Variants in PTGER4 observed in about 807,000 individuals in gnomAD.
PTGER4 encodes the protein prostaglandin E receptor 4.
A neutral mutation model predicts 33.2 loss-of-function variants in PTGER4; 11 were observed. The observed-to-expected ratio is 0.33, with a 90% confidence interval of 0.21 to 0.55. The LOEUF (loss-of-function observed/expected upper bound fraction) is 0.55, where lower values mean the gene tolerates loss of function less well. Ranked by LOEUF, PTGER4 falls within the 20% of genes least tolerant of loss-of-function variation. The pLI, the probability that PTGER4 is intolerant of heterozygous loss-of-function variation, is 0.92. For synonymous variants in PTGER4, 275 were observed against 281.5 expected (o/e 0.98, Z 0.23); for missense variants, 481 against 650.2 (o/e 0.74, Z 2.83).
At position 40,691,820 on chromosome 5, in the gene PTGER4, G is replaced by C. The variant is rs1741480802; in HGVS notation, c.909G>C (p.Glu303Asp). 6.2e-7 allele frequency: 1 copy of C among 1,614,058 alleles called. No individual in the cohort carries two copies. Among genetic ancestry groups the C allele is most frequent in the Admixed American group, 1.7e-5 (1 of 60,014 alleles). The change falls in exon 3 of 3, where the codon GAG (glutamate) becomes GAC (aspartate). Residue 303 changes from glutamate to aspartate, a missense_variant. By Grantham distance (45) the Glu-to-Asp change is conservative. Around this residue, in one of 7 missense-constraint regions of PTGER4, gnomAD observed 174 missense variants for 210.5 expected, o/e 0.83. Transcript: ENST00000302472. This position sits in a 1 kb window ranked among gnomAD's most constrained non-coding sequence, Gnocchi z 4.2. ...ACCAGTTATATCAGCCAAGTTTGGAGCGAGAAGTCAGTAAAAATCCAGATT... is the reference window on the plus strand; with the variant it reads ...ACCAGTTATATCAGCCAAGTTTGGACCGAGAAGTCAGTAAAAATCCAGATT... ...FVNQLYQPSLEREVSKNPDLQ... is the reference protein window; with the variant it reads ...FVNQLYQPSLDREVSKNPDLQ...
At chr5:40,739,253 T>C in the PTGER4 span, among the ~76,000 whole-genome samples, 1 of 152,366 alleles carries the variant, frequency 6.6e-6, no homozygotes, top group East Asian at 1.9e-4. Context: ...CATTTCCACA[T>C]AAACTTTAGA....
chr5:40,699,304 T>G, the PTGER4 span, among the ~76,000 whole-genome samples: 1 of 152,082 alleles, frequency 6.6e-6, no homozygotes, highest in African/African-American at 2.4e-5. Context: ...AACCACACTA[T>G]CAAATGTGAT....
the PTGER4 span, among the ~76,000 whole-genome samples, chr5:40,741,620 G>T: frequency 1.1e-3 from 165 of 152,208 alleles, 1 homozygote; most frequent in East Asian, 0.026. Context: ...ATCTCCTCAC[G>T]CAGCAAGACC....
At chr5:40,685,214 A>C (rs576185970) in intron 2 of PTGER4, among the ~76,000 whole-genome samples, 11 of 152,314 alleles carry the variant, frequency 7.2e-5, no homozygotes, top group African/African-American at 2.6e-4. Context: ...AATTTGATTA[A>C]TCTTCTGCCT....
chr5:40,710,178 C>G, the PTGER4 span, among the ~76,000 whole-genome samples: 2 of 152,162 alleles, frequency 1.3e-5, no homozygotes, highest in African/African-American at 4.8e-5. Flanking sequence ...ATCTACTTAT[C>G]TGACAAAGGG....
the PTGER4 span, among the ~76,000 whole-genome samples, chr5:40,731,234 A>T: frequency 0.024 from 3,714 of 152,264 alleles, 53 homozygotes; most frequent in East Asian, 0.064. Context: ...CCAGCATTAG[A>T]AGGAAAAGGT....
chr5:40,704,469 T>G, the PTGER4 span, among the ~76,000 whole-genome samples: 3 of 152,126 alleles, frequency 2.0e-5, no homozygotes, highest in Non-Finnish European at 4.4e-5. Flanking sequence ...AACATAGTAT[T>G]GGAAGTCCAG....
At chr5:40,705,528 G>C in the PTGER4 span, among the ~76,000 whole-genome samples, 3 of 152,076 alleles carry the variant, frequency 2.0e-5, no homozygotes, top group African/African-American at 7.2e-5. Context: ...TACCAACAGA[G>C]TAAATAGACA....
chr5:40,705,472 A>T, the PTGER4 span, among the ~76,000 whole-genome samples: 1 of 152,220 alleles, frequency 6.6e-6, no homozygotes, highest in East Asian at 1.9e-4. Context: ...AAAATTGACA[A>T]ATGGGATCTA....
chr5:40,693,370 A>C lies in PTGER4; in HGVS notation c.*992A>C. ...TTTCTCTGAAAGTGTGTGTAGTTTT[A>C]CTTTCCTAAGGAATTACCAAGAATA... On this transcript the variant is annotated 3_prime_UTR_variant, in exon 3 of 3. Coordinates refer to ENST00000302472, the MANE Select transcript of PTGER4 (RefSeq NM_000958.3). 1.0e-6 allele frequency: 1 copy of C among 984,220 alleles called. No homozygotes were observed. The highest frequency in any genetic ancestry group is 1.2e-6 in the Non-Finnish European group (1 of 828,460). 61.0% of individuals were successfully genotyped at this position (984,220 alleles called of 1,614,324 possible).
the PTGER4 span, among the ~76,000 whole-genome samples, chr5:40,710,237 A>G: frequency 2.6e-5 from 4 of 152,176 alleles, no homozygotes; most frequent in African/African-American, 7.2e-5. Flanking sequence ...CAAGAAAAAA[A>G]CAAACAACCC....
chr5:40,682,739 TC>T (rs1741230853), intron 2 of PTGER4, among the ~76,000 whole-genome samples: 1 of 152,214 alleles, frequency 6.6e-6, no homozygotes, highest in Admixed American at 6.5e-5. Flanking sequence ...CTTTGTTTCT[TC>T]AAGCCAAAGC....
At chr5:40,689,661 T>C (rs1371104048) in intron 2 of PTGER4, among the ~76,000 whole-genome samples, 2 of 152,318 alleles carry the variant, frequency 1.3e-5, no homozygotes, top group East Asian at 1.9e-4. Context: ...TCATACACCA[T>C]GAGTCATTCA....
At chr5:40,733,360 T>A in the PTGER4 span, among the ~76,000 whole-genome samples, 17 of 152,124 alleles carry the variant, frequency 1.1e-4, no homozygotes, top group Admixed American at 9.2e-4. Flanking sequence ...CTATCACAAC[T>A]ATTCAACTCT....
chr5:40,691,095 A>G lies in PTGER4; in HGVS notation c.868-684A>G, dbSNP rs1253860299. 2.6e-5 allele frequency among the ~76,000 whole-genome samples: 4 copies of G among 152,156 alleles called. No individual in the cohort carries two copies. The highest frequency in any genetic ancestry group is 9.7e-5 in the African/African-American group (4 of 41,438). ...GAGTGCAGTGGCATCATCTCAGCTCACTGCAACCTCCACCCGCCGCATTCA... is the reference window on the plus strand; with the variant it reads ...GAGTGCAGTGGCATCATCTCAGCTCGCTGCAACCTCCACCCGCCGCATTCA... On this transcript the variant is annotated intron_variant, in intron 2 of 2. Transcript: ENST00000302472. This position sits in a 1 kb window ranked among gnomAD's most constrained non-coding sequence, Gnocchi z 4.2.
the PTGER4 span, among the ~76,000 whole-genome samples, chr5:40,709,405 C>T: frequency 4.6e-5 from 7 of 152,056 alleles, no homozygotes; most frequent in Non-Finnish European, 1.0e-4. Context: ...AAACACAGAG[C>T]CAAATCATGA....
the PTGER4 span, among the ~76,000 whole-genome samples, chr5:40,710,000 C>G: frequency 6.6e-6 from 1 of 152,164 alleles, no homozygotes; most frequent in African/African-American, 2.4e-5. Context: ...CAATACCATT[C>G]AGGACATAGG....
At chr5:40,686,503 C>T (rs1474007154) in intron 2 of PTGER4, among the ~76,000 whole-genome samples, 3 of 152,192 alleles carry the variant, frequency 2.0e-5, no homozygotes, top group Non-Finnish European at 4.4e-5. Context: ...ATACGATAGG[C>T]ACTGTACTAA....
At chr5:40,717,575 C>T in the PTGER4 span, among the ~76,000 whole-genome samples, 1 of 152,248 alleles carries the variant, frequency 6.6e-6, no homozygotes, top group African/African-American at 2.4e-5. Flanking sequence ...CCCTGACCTA[C>T]ACTCACTAAA....
Sources: gnomAD v4.1 joint callset for allele counts (sites outside exome capture counted in the v4.1 genomes callset) on GRCh38, gnomAD v4.1.1 for gene constraint, gnomAD v4.1.1 regional missense constraint, Gnocchi (gnomAD v3.1) non-coding constraint, MANE v1.5 for transcripts, NCBI Gene and HGNC (gene_info 2026-07-23, HGNC 2026-07-21) for gene names.